The following ARHGAP15 variants were observed in gnomAD, a reference collection of about 807,000 sequenced individuals.
ARHGAP15 encodes rho GTPase-activating protein 15.
ARHGAP15 carries 51 observed loss-of-function variants against 63.7 expected under a neutral mutation model. That is an observed-to-expected ratio of 0.80 (90% CI 0.64 to 1.01). The LOEUF is 1.01. Ranked by LOEUF, ARHGAP15 falls within the 50% of genes least tolerant of loss-of-function variation. The pLI is 0.00. For synonymous variants in ARHGAP15, 191 were observed against 193.8 expected (o/e 0.99, Z 0.12); for missense variants, 560 against 564.6 (o/e 0.99, Z 0.08).
At chr2:143,269,148 A>G (rs146688509) in intron 6 of ARHGAP15, among the ~76,000 whole-genome samples, 69 of 152,298 alleles carry the variant, frequency 4.5e-4, no homozygotes, top group Non-Finnish European at 4.9e-4. Flanking sequence ...TTATATAGAA[A>G]TTAAAAGCTT....
intron 6 of ARHGAP15, among the ~76,000 whole-genome samples, chr2:143,417,029 C>T (rs2105040795): frequency 6.6e-6 from 1 of 152,230 alleles, no homozygotes; most frequent in East Asian, 1.9e-4. Context: ...GGTTGAGGTG[C>T]TCCTTTCCTT....
At chr2:143,470,283 A>G (rs1691454394) in intron 8 of ARHGAP15, among the ~76,000 whole-genome samples, 1 of 150,464 alleles carries the variant, frequency 6.6e-6, no homozygotes, top group Non-Finnish European at 1.5e-5. Context: ...CTAGGTGTTC[A>G]AGGTTTTGGA....
intron 2 of ARHGAP15, among the ~76,000 whole-genome samples, chr2:143,166,522 G>A (rs1690542427): frequency 1.3e-5 from 2 of 152,062 alleles, no homozygotes; most frequent in South Asian, 4.1e-4. Context: ...TTCAAGTGAG[G>A]TAGAATCTTT....
chr2:143,578,351 A>G (rs904101313), intron 11 of ARHGAP15, among the ~76,000 whole-genome samples: 2 of 152,200 alleles, frequency 1.3e-5, no homozygotes, highest in African/African-American at 4.8e-5. Context: ...ATAGAAAATT[A>G]CAACATGGAG....
At position 143,730,150 on chromosome 2, in the gene ARHGAP15, G is replaced by T. The variant is rs143371006; in HGVS notation, c.1244+26626G>T. On this transcript the variant is annotated intron_variant, in intron 13 of 13. Coordinates refer to ENST00000295095, the MANE Select transcript of ARHGAP15 (RefSeq NM_018460.4). ...TTTGAAGATATAAAAGGGTTTGTTA[G>T]TAACATGACTGGGCATATACTAGAG... Among the ~76,000 whole-genome samples the T allele has an allele frequency of 4.4e-3, 675 of 152,300 alleles. 1 individual carries two copies. Among genetic ancestry groups the T allele is most frequent in the Admixed American group, 6.8e-3 (104 of 15,304 alleles).
intron 6 of ARHGAP15, among the ~76,000 whole-genome samples, chr2:143,331,180 A>G (rs531724078): frequency 1.3e-5 from 2 of 152,068 alleles, no homozygotes; most frequent in Non-Finnish European, 2.9e-5. Context: ...ACAAACATAT[A>G]TTTTTCCCCC....
At chr2:143,590,186 A>G (rs1012199213) in intron 11 of ARHGAP15, among the ~76,000 whole-genome samples, 2 of 152,068 alleles carry the variant, frequency 1.3e-5, no homozygotes, top group Non-Finnish European at 2.9e-5. Context: ...TCTTTTAAAT[A>G]TTTTCTTAAT....
chr2:143,403,519 T>C (rs1330690848), intron 6 of ARHGAP15, among the ~76,000 whole-genome samples: 2 of 151,868 alleles, frequency 1.3e-5, no homozygotes, highest in Non-Finnish European at 2.9e-5. Context: ...AATACATATG[T>C]ATTACTAGGG....
At chr2:143,369,518 T>C (rs1456300138) in intron 6 of ARHGAP15, among the ~76,000 whole-genome samples, 1 of 152,148 alleles carries the variant, frequency 6.6e-6, no homozygotes, top group Non-Finnish European at 1.5e-5. Flanking sequence ...TAAAAGATTA[T>C]AATTTTGAAA....
At chr2:143,471,180 G>T (rs543908857) in intron 8 of ARHGAP15, among the ~76,000 whole-genome samples, 1 of 141,770 alleles carries the variant, frequency 7.1e-6, no homozygotes, top group Non-Finnish European at 1.6e-5. Flanking sequence ...ATGAATATGT[G>T]TGTGTATATA....
chr2:143,425,173 A>G (rs1689088801), intron 6 of ARHGAP15, among the ~76,000 whole-genome samples: 1 of 152,162 alleles, frequency 6.6e-6, no homozygotes, highest in Admixed American at 6.5e-5. Context: ...GTGTTAAGAT[A>G]TTTTTGCACA....
intron 6 of ARHGAP15, among the ~76,000 whole-genome samples, chr2:143,412,854 T>G (rs1159021178): frequency 6.6e-6 from 1 of 152,166 alleles, no homozygotes; most frequent in African/African-American, 2.4e-5. Flanking sequence ...TTTCCATTCT[T>G]TTGTTTCTCT....
At chr2:143,467,353 ACATAT>A (rs1691279729) in intron 8 of ARHGAP15, among the ~76,000 whole-genome samples, 1 of 143,444 alleles carries the variant, frequency 7.0e-6, no homozygotes, top group African/African-American at 2.6e-5. Context: ...GTTAGTAGTT[ACATAT>A]GTGGCAAATA....
intron 1 of ARHGAP15, among the ~76,000 whole-genome samples, chr2:143,151,976 C>T (rs1189645032): frequency 6.6e-6 from 1 of 151,936 alleles, no homozygotes; most frequent in African/African-American, 2.4e-5. Flanking sequence ...TTCTGTCCGG[C>T]AGCAGGGCTC....
At chr2:143,523,028 T>G (rs1694120541) in intron 10 of ARHGAP15, among the ~76,000 whole-genome samples, 2 of 152,156 alleles carry the variant, frequency 1.3e-5, no homozygotes, top group Admixed American at 6.6e-5. Flanking sequence ...TCATAGTTCT[T>G]TTTATGCAAA....
intron 9 of ARHGAP15, among the ~76,000 whole-genome samples, chr2:143,496,910 T>A (rs2104922988): frequency 6.6e-6 from 1 of 152,342 alleles, no homozygotes; most frequent in Middle Eastern, 3.4e-3. Context: ...ATGCTGGTTT[T>A]ATTCATTCTG....
chr2:143,238,806 A>G (rs1161119927), intron 5 of ARHGAP15, among the ~76,000 whole-genome samples: 2 of 152,244 alleles, frequency 1.3e-5, no homozygotes, highest in Admixed American at 6.5e-5. Context: ...ATGCCTGTCA[A>G]TGATAGACTG....
chr2:143,284,556 TATG>T (rs1373156011), intron 6 of ARHGAP15, among the ~76,000 whole-genome samples: 2 of 152,184 alleles, frequency 1.3e-5, no homozygotes, highest in Non-Finnish European at 2.9e-5. Flanking sequence ...TCCTCTTGGT[TATG>T]ATAATGATGC....
chr2:143,383,287 G>A (rs1388552579), intron 6 of ARHGAP15, among the ~76,000 whole-genome samples: 1 of 152,102 alleles, frequency 6.6e-6, no homozygotes, highest in African/African-American at 2.4e-5. Context: ...ACTTCTATTG[G>A]AAAATGGAGG....
Sources: gnomAD v4.1 joint callset for allele counts (sites outside exome capture counted in the v4.1 genomes callset) on GRCh38, gnomAD v4.1.1 for gene constraint, MANE v1.5 for transcripts, NCBI Gene and HGNC (gene_info 2026-07-23, HGNC 2026-07-21) for gene names.